KCNK3: variants seen among roughly 807,000 people sequenced by gnomAD.
KCNK3 encodes potassium two pore domain channel subfamily K member 3, also known as potassium channel subfamily K member 3.
Under a neutral mutation model 27.3 loss-of-function variants are expected in KCNK3, and 9 were observed. The ratio of observed to expected loss-of-function variants is 0.33; its 90% confidence interval spans 0.20 to 0.57. KCNK3 has a LOEUF of 0.57. Ranked by LOEUF, KCNK3 falls within the 20% of genes least tolerant of loss-of-function variation. KCNK3 has a pLI of 0.87. For synonymous variants in KCNK3, 278 were observed against 273.8 expected, an observed-to-expected ratio of 1.02 and a Z score of -0.15; for missense variants, 391 against 577.7, an observed-to-expected ratio of 0.68 and a Z score of 3.31.
At chr2:26,725,861 C>T (rs1017254546) in intron 1 of KCNK3, among the ~76,000 whole-genome samples, 2 of 152,166 alleles carry the variant, frequency 1.3e-5, no homozygotes, top group African/African-American at 4.8e-5. Context: ...AACTGAGCTG[C>T]CCTCAAGCCT....
At position 26,728,726 on chromosome 2, in the gene KCNK3, C is replaced by T; in HGVS notation, c.*158C>T. On this transcript the variant is annotated 3_prime_UTR_variant, in exon 2 of 2. Transcript: ENST00000302909. ...CCATCTCCGACTGTGCCTGCTTGCA[C>T]CAGCCGGCAGGAGGCCGGGCTCTGA... The T allele has an allele frequency of 1.6e-6, 1 of 613,196 alleles. No individual in the cohort carries two copies. 38.0% of individuals were successfully genotyped at this position (613,196 alleles called of 1,614,324 possible).
chr2:26,713,517 T>TG (rs1252080010), intron 1 of KCNK3, among the ~76,000 whole-genome samples: 20 of 152,138 alleles, frequency 1.3e-4, no homozygotes, highest in Non-Finnish European at 2.6e-4. Flanking sequence ...CGGTGGCTCA[T>TG]GCCTGTAATC....
At chr2:26,699,543 A>G (rs1486788480) in intron 1 of KCNK3, among the ~76,000 whole-genome samples, 1 of 152,268 alleles carries the variant, frequency 6.6e-6, no homozygotes, top group African/African-American at 2.4e-5. Context: ...CTGGCTGCAC[A>G]AACGGTGAAT....
intron 1 of KCNK3, among the ~76,000 whole-genome samples, chr2:26,718,342 T>C (rs1240968678): frequency 6.6e-6 from 1 of 152,130 alleles, no homozygotes; most frequent in Non-Finnish European, 1.5e-5. Context: ...TGAAAGCACC[T>C]CAAATTTTGG....
rs147324208 is a variant in KCNK3, at chr2:26,726,497, C to T, written c.284-1170C>T. Reference sequence around the variant, plus strand: ...GGCTTAGAATGGAAGAAAATGCCAGCGTCATTTTATTATCATAATTATGTT... The same window carrying T: ...GGCTTAGAATGGAAGAAAATGCCAGTGTCATTTTATTATCATAATTATGTT... On this transcript the variant is annotated intron_variant, in intron 1 of 1. Coordinates refer to ENST00000302909, the MANE Select transcript of KCNK3 (RefSeq NM_002246.3). Among the ~76,000 whole-genome samples the T allele has an allele frequency of 3.8e-3, 581 of 152,234 alleles. 7 individuals are homozygous for T. The highest frequency in any genetic ancestry group is 0.013 in the African/African-American group (537 of 41,530).
intron 1 of KCNK3, among the ~76,000 whole-genome samples, chr2:26,710,583 G>A (rs1210907864): frequency 1.3e-5 from 2 of 152,162 alleles, no homozygotes; most frequent in African/African-American, 4.8e-5. Context: ...AGTGTAGGGG[G>A]GAAGAGGGAA....
At chr2:26,705,779 CAG>C (rs368154796) in intron 1 of KCNK3, among the ~76,000 whole-genome samples, 53 of 152,044 alleles carry the variant, frequency 3.5e-4, no homozygotes, top group African/African-American at 1.2e-3. Context: ...AGAATGGGGA[CAG>C]AGTGACGGTT....
rs753384871 is a variant in KCNK3 at position 26,693,047 on chromosome 2, G to T, written c.172G>T (p.Gly58Cys). The change falls in exon 1 of 2, where the codon GGC becomes TGC. Residue 58 changes from glycine (G) to cysteine (C), a missense_variant. This residue lies in a region of KCNK3 where 158 missense variants were observed against 267.7 expected (regional missense o/e 0.59). Transcript: ENST00000302909. The surrounding 1 kb of genome is among the most constrained non-coding windows in gnomAD (Gnocchi z 5.5). ...GGCGCGCTACAACCTCAGCCAGGGCGGCTACGAGGAGCTGGAGCGCGTCGT... is the reference window on the plus strand; with the variant it reads ...GGCGCGCTACAACCTCAGCCAGGGCTGCTACGAGGAGCTGGAGCGCGTCGT... ...LRARYNLSQG[G>C]YEELERVVLR... 5.6e-6 allele frequency: 9 copies of T among 1,600,668 alleles called. No homozygotes were observed. Among genetic ancestry groups the T allele is most frequent in the East Asian group, 4.5e-5 (2 of 44,358 alleles).
chr2:26,712,714 C>T (rs1343518298), intron 1 of KCNK3, among the ~76,000 whole-genome samples: 2 of 150,910 alleles, frequency 1.3e-5, no homozygotes, highest in African/African-American at 4.9e-5. Context: ...TGCGCACACA[C>T]ATGTGAATGT....
Position 26,728,562 on chromosome 2 carries a change from C to G in KCNK3, c.1179C>G (p.Ser393=), listed in dbSNP as rs750247526. The G allele has an allele frequency of 1.4e-6, 2 of 1,444,900 alleles. No homozygotes were observed. Among genetic ancestry groups the G allele is most frequent in the Middle Eastern group, 2.3e-4 (1 of 4,308 alleles). The allele number at this position is 1,444,900 out of a possible 1,614,324, so 89.5% of individuals were successfully genotyped here. A position where few individuals can be genotyped will look rare whatever the true frequency, so the allele number is the denominator to read the frequency against. The part of the protein sequence containing the change: ...TFRGLMKRRS[S]V ...GCGGCCTCATGAAGCGCAGGAGCTCCGTGTGACTGCCCCGAGGGGCCTGGA... is the reference window on the plus strand; with the variant it reads ...GCGGCCTCATGAAGCGCAGGAGCTCGGTGTGACTGCCCCGAGGGGCCTGGA... The change falls in exon 2 of 2, where the codon TCC becomes TCG. Residue 393 remains serine (S), a synonymous_variant. Transcript: ENST00000302909.
chr2:26,705,488 G>A (rs1488243215), intron 1 of KCNK3, among the ~76,000 whole-genome samples: 1 of 152,146 alleles, frequency 6.6e-6, no homozygotes, highest in African/African-American at 2.4e-5. Flanking sequence ...TCCTGCAATT[G>A]AGGGTCAGTG....
At chr2:26,702,145 G>T (rs998336014) in intron 1 of KCNK3, among the ~76,000 whole-genome samples, 4 of 152,098 alleles carry the variant, frequency 2.6e-5, no homozygotes, top group Non-Finnish European at 5.9e-5. Flanking sequence ...AGTGTGTGTG[G>T]ATCCAGTGGC....
At chr2:26,714,728 A>T (rs576120140) in intron 1 of KCNK3, among the ~76,000 whole-genome samples, 37 of 152,030 alleles carry the variant, frequency 2.4e-4, no homozygotes, top group Non-Finnish European at 4.9e-4. Context: ...TCTACTAAAA[A>T]TACAAAAATT....
chr2:26,710,088 G>A (rs1005495372), intron 1 of KCNK3, among the ~76,000 whole-genome samples: 6 of 152,148 alleles, frequency 3.9e-5, no homozygotes, highest in Admixed American at 6.5e-5. Flanking sequence ...TGGGCCCCAC[G>A]TCCCTCCCAC....
intron 1 of KCNK3, among the ~76,000 whole-genome samples, chr2:26,726,225 C>T (rs1387087268): frequency 6.6e-6 from 1 of 152,040 alleles, no homozygotes; most frequent in Non-Finnish European, 1.5e-5. Context: ...ATAGGTATGG[C>T]TGGCAATGTG....
rs746476353 is a variant in KCNK3, at chr2:26,728,175, C to T, written c.792C>T (p.Leu264=). 4.4e-6 allele frequency: 7 copies of T among 1,573,664 alleles called. No individual in the cohort carries two copies. The highest frequency in any genetic ancestry group is 1.9e-5 in the Admixed American group (1 of 53,964). The change falls in exon 2 of 2, where the codon CTC becomes CTT. Residue 264 remains leucine, a synonymous_variant. Transcript: ENST00000302909. ...GCGACGCCGAGCACCGCGCGCTGCTCACGCGCAACGGGCAGGCGGGCGGCG... is the reference window on the plus strand; with the variant it reads ...GCGACGCCGAGCACCGCGCGCTGCTTACGCGCAACGGGCAGGCGGGCGGCG... The part of the protein sequence containing the change: ...EKRDAEHRAL[L]TRNGQAGGGG...
At chr2:26,724,815 C>G (rs535660692) in intron 1 of KCNK3, among the ~76,000 whole-genome samples, 1 of 152,054 alleles carries the variant, frequency 6.6e-6, no homozygotes, top group African/African-American at 2.4e-5. Flanking sequence ...GAAGCTGGGT[C>G]CTGAGGAGCT....
In KCNK3 at chr2:26,729,283, A is replaced by G. The variant is rs1014961928; in HGVS notation, c.*715A>G. ...CTAACTGGCCTCCAGCCACATTCTC[A>G]TAGCAGGTAGGACTTCAGCCTTCCA... On this transcript the variant is annotated 3_prime_UTR_variant, in exon 2 of 2. Coordinates refer to ENST00000302909, the MANE Select transcript of KCNK3 (RefSeq NM_002246.3). The G allele has an allele frequency of 3.9e-5, 6 of 152,388 alleles. No individual in the cohort carries two copies. Among genetic ancestry groups the G allele is most frequent in the African/African-American group, 1.4e-4 (6 of 41,462 alleles). The allele number at this position is 152,388 out of a possible 1,614,324, so 9.4% of individuals were successfully genotyped here.
At position 26,731,758 on chromosome 2, in the gene KCNK3, C is replaced by G. The variant is rs1171290176; in HGVS notation, c.*3190C>G. On this transcript the variant is annotated 3_prime_UTR_variant, in exon 2 of 2. Coordinates refer to ENST00000302909, the MANE Select transcript of KCNK3 (RefSeq NM_002246.3). ...GAAATCACCTGGTCCTATTGTCCCC[C>G]CCGTACATGAGTAACTGAGGCCCAC... is the stretch of plus-strand genomic sequence containing the variant. 6.6e-6 allele frequency: 1 copy of G among 152,354 alleles called. No homozygotes were observed. Among genetic ancestry groups the G allele is most frequent in the East Asian group, 1.9e-4 (1 of 5,190 alleles). The allele number at this position is 152,354 out of a possible 1,614,324, so 9.4% of individuals were successfully genotyped here. A position where few individuals can be genotyped will look rare whatever the true frequency, so the allele number is the denominator to read the frequency against.
Sources: allele counts gnomAD v4.1 joint callset (sites outside exome capture counted in the v4.1 genomes callset), GRCh38; gene constraint gnomAD v4.1.1; regional missense constraint gnomAD v4.1.1; non-coding constraint Gnocchi (gnomAD v3.1); transcripts MANE v1.5; gene names NCBI Gene and HGNC (gene_info 2026-07-23, HGNC 2026-07-21).